CA4: variants seen among roughly 807,000 people sequenced by gnomAD.
CA4 encodes CA-IV.
Under a neutral mutation model 34.5 loss-of-function variants are expected in CA4, and 24 were observed. The observed-to-expected ratio is 0.70, with a 90% CI of 0.50 to 0.98. The LOEUF is 0.98. Among genes scored for constraint, CA4 ranks in the 50% least tolerant of loss-of-function variants. The pLI is 0.00. For synonymous variants in CA4, 178 were observed against 170.6 expected (o/e 1.04, Z -0.34); for missense variants, 394 against 396.7 (o/e 0.99, Z 0.06).
At chr17:60,158,023 C>T (rs2083724041) in intron 5 of CA4, 38 bp from the exon 6 acceptor site, 2 of 1,610,636 alleles carry the variant, frequency 1.2e-6, no homozygotes, top group South Asian at 1.1e-5. Flanking sequence ...CCACTGGCTC[C>T]CTGCAGACTT....
chr17:60,151,999 G>A (rs557365926), intron 1 of CA4, among the ~76,000 whole-genome samples: 8 of 152,102 alleles, frequency 5.3e-5, no homozygotes, highest in Non-Finnish European at 1.0e-4. Context: ...CTCAGAGGGG[G>A]AGGTGGGGTG....
downstream of CA4, among the ~76,000 whole-genome samples, chr17:60,175,222 G>A (rs1241087410): frequency 8.5e-6 from 1 of 117,908 alleles, no homozygotes; most frequent in Non-Finnish European, 1.7e-5. Flanking sequence ...TAGAAATGAG[G>A]TCTCACCATA....
chr17:60,171,539 C>G (rs1191553506), downstream of CA4, among the ~76,000 whole-genome samples: 4 of 152,200 alleles, frequency 2.6e-5, no homozygotes, highest in Non-Finnish European at 4.4e-5. Context: ...TGAGAGTGTT[C>G]TCCTGGGAGC....
downstream of CA4, among the ~76,000 whole-genome samples, chr17:60,163,968 G>C (rs115631864): frequency 1.3e-3 from 194 of 151,972 alleles, 1 homozygote; most frequent in African/African-American, 4.4e-3. Context: ...CTGTCTCTAC[G>C]AGGGGGAAAA....
intron 6 of CA4, 33 bp downstream of exon 6, chr17:60,158,160 GAGGGGGGGGATTCCTCCCACAAAGGA>G: frequency 6.2e-7 from 1 of 1,611,124 alleles, no homozygotes; most frequent in Non-Finnish European, 8.5e-7. Context: ...GGCTTGGGGT[GAGGGGGGGGATTCCTCCCACAAAGGA>G]AGGGGTGGGT....
In CA4 at chr17:60,157,684, G is replaced by A. The variant is rs778681319; in HGVS notation, c.415-6G>A. On this transcript the variant is annotated splice_region_variant and splice_polypyrimidine_tract_variant and intron_variant, in intron 4 of 7. Transcript: ENST00000300900. ...GGTCCCCTTTTCACCCCTCCACCCC[G>A]ACCAGATGCACATAGTACATGAGAA... The A allele has an allele frequency of 3.0e-5, 49 of 1,613,270 alleles. No individual in the cohort carries two copies. In the Admixed American group the frequency reaches 4.2e-4, roughly 14 times the overall value.
At chr17:60,154,369 A>G (rs1484473516) in intron 1 of CA4, among the ~76,000 whole-genome samples, 1 of 152,106 alleles carries the variant, frequency 6.6e-6, no homozygotes, top group Non-Finnish European at 1.5e-5. Flanking sequence ...CATGTTACAG[A>G]TGATACAACT....
At chr17:60,166,971 A>G (rs2083861827) in intron 5 of CA4, among the ~76,000 whole-genome samples, 1 of 152,110 alleles carries the variant, frequency 6.6e-6, no homozygotes, top group Non-Finnish European at 1.5e-5. Flanking sequence ...AACAAAAAGA[A>G]AACCCCCCAA....
intron 5 of CA4, among the ~76,000 whole-genome samples, chr17:60,166,652 C>G (rs2083858250): frequency 6.6e-6 from 1 of 152,168 alleles, no homozygotes; most frequent in Admixed American, 6.6e-5. Context: ...GGACATAAGG[C>G]TAACAAATAG....
chr17:60,164,283 CCTTT>C (rs1299581678), downstream of CA4, among the ~76,000 whole-genome samples: 171 of 149,100 alleles, frequency 1.1e-3, no homozygotes, highest in African/African-American at 2.8e-3. Flanking sequence ...CTCCCTCCCT[CCTTT>C]CTTTCTTTCT....
At chr17:60,173,097 C>T (rs1300232735), downstream of CA4, among the ~76,000 whole-genome samples, 2 of 145,830 alleles carry the variant, frequency 1.4e-5, no homozygotes. Context: ...GAGCTGGGAT[C>T]GCTCCATTGC....
intron 5 of CA4, 118 bp downstream of exon 5, chr17:60,157,906 C>A: frequency 6.5e-7 from 1 of 1,528,374 alleles, no homozygotes; most frequent in East Asian, 2.4e-5. Flanking sequence ...ACTTCCGCCT[C>A]TGTTTCTGGG....
At chr17:60,156,970 C>A in intron 3 of CA4, 1 of 573,734 alleles carries the variant, frequency 1.7e-6, no homozygotes, top group Non-Finnish European at 3.1e-6. Flanking sequence ...GGCGCGGAGG[C>A]ATGGAACAGC....
intron 3 of CA4, 91 bp downstream of exon 3, chr17:60,156,806 C>A: frequency 8.3e-7 from 1 of 1,208,308 alleles, no homozygotes; most frequent in Non-Finnish European, 1.2e-6. Flanking sequence ...GTGTGCCAGA[C>A]CCAGGCCCAT....
chr17:60,173,351 C>T (rs1329448443), downstream of CA4, among the ~76,000 whole-genome samples: 1 of 152,192 alleles, frequency 6.6e-6, no homozygotes, highest in African/African-American at 2.4e-5. Flanking sequence ...TCCTCATGCA[C>T]CTTCCACTCA....
In CA4 at chr17:60,156,620, C is replaced by T. The variant is rs1390953636; in HGVS notation, c.173C>T (p.Thr58Ile). 1 of 1,614,038 alleles carries T rather than the reference C, an allele frequency of 6.2e-7. No individual in the cohort carries two copies. Among genetic ancestry groups the T allele is most frequent in the Non-Finnish European group, 8.5e-7 (1 of 1,179,854 alleles). Residue 58 changes from threonine to isoleucine, a missense_variant, in exon 3 of 8, where the codon ACC becomes ATC. Transcript: ENST00000300900. The part of the protein sequence containing the change: ...KDRQSPINIV[T>I]TKAKVDKKLG... The stretch of plus-strand genomic sequence containing the variant: ...CGCCAGTCCCCCATCAACATCGTCA[C>T]CACCAAGGCAAAGGTGGACAAAAAA...
chr17:60,171,675 G>A (rs537122648), downstream of CA4, among the ~76,000 whole-genome samples: 3 of 152,250 alleles, frequency 2.0e-5, no homozygotes, highest in East Asian at 3.9e-4. Context: ...AATCCACAGC[G>A]GTTGCCCAGG....
chr17:60,157,540 C>A lies in CA4; in HGVS notation c.382C>A (p.His128Asn), dbSNP rs774401941. ...CGACTTGCCATATAAGGGCTCGGAGCACAGCCTCGATGGGGAGCACTTTGC... is the reference window on the plus strand; with the variant it reads ...CGACTTGCCATATAAGGGCTCGGAGAACAGCCTCGATGGGGAGCACTTTGC... ...WSDLPYKGSE[H>N]SLDGEHFAME... The change falls in exon 4 of 8, where the codon CAC becomes AAC. Residue 128 changes from histidine to asparagine, a missense_variant. Coordinates refer to ENST00000300900, the MANE Select transcript of CA4 (RefSeq NM_000717.5). The A allele has an allele frequency of 2.5e-6, 4 of 1,614,090 alleles. No individual in the cohort carries two copies. In the South Asian group the frequency reaches 3.3e-5, roughly 13 times the overall value.
the CA4 span, among the ~76,000 whole-genome samples, chr17:60,176,483 G>A: frequency 1.3e-5 from 2 of 151,944 alleles, no homozygotes; most frequent in Non-Finnish European, 2.9e-5. Flanking sequence ...GTTTCTCGGT[G>A]CTCCCTAGAA....
Sources: gnomAD v4.1 joint callset for allele counts (sites outside exome capture counted in the v4.1 genomes callset) on GRCh38, gnomAD v4.1.1 for gene constraint, MANE v1.5 for transcripts, NCBI Gene and HGNC (gene_info 2026-07-23, HGNC 2026-07-21) for gene names.